The following ERICH3 variants were observed in gnomAD, a reference collection of about 807,000 sequenced individuals.
ERICH3 encodes glutamate rich 3, also known as glutamate-rich protein 3.
A neutral mutation model predicts 131.1 loss-of-function variants in ERICH3; 126 were observed. The ratio of observed to expected loss-of-function variants is 0.96; its 90% CI spans 0.83 to 1.11. The LOEUF (loss-of-function observed/expected upper bound fraction) is 1.11. Ranked by LOEUF, ERICH3 falls within the 50% of genes most tolerant of loss-of-function variation. The pLI, the probability that ERICH3 is intolerant of heterozygous loss-of-function variation, is 0.00. For missense variants in ERICH3, 2,050 were observed against 1,810.7 expected (o/e 1.13, Z -2.40); for synonymous variants, 695 against 644.6 (o/e 1.08, Z -1.18).
At chr1:74,640,377 C>T (rs1646427603) in intron 5 of ERICH3, among the ~76,000 whole-genome samples, 1 of 152,082 alleles carries the variant, frequency 6.6e-6, no homozygotes, top group Non-Finnish European at 1.5e-5. Context: ...TTGAGCTGTT[C>T]ATCAAGAAAT....
chr1:74,672,297 C>T (rs1646749380), intron 1 of ERICH3, among the ~76,000 whole-genome samples: 1 of 152,126 alleles, frequency 6.6e-6, no homozygotes, highest in Non-Finnish European at 1.5e-5. Flanking sequence ...CTAAAAATTG[C>T]ACAGGAGTTC....
intron 2 of ERICH3, among the ~76,000 whole-genome samples, 188 bp from the exon 3 acceptor site, chr1:74,646,980 AAAC>A (rs1356032697): frequency 6.6e-6 from 1 of 151,454 alleles, no homozygotes. Flanking sequence ...AAAAAAAAAA[AAAC>A]GAGAGGGGAG....
intron 4 of ERICH3, 95 bp downstream of exon 4, chr1:74,642,932 A>T: frequency 1.1e-6 from 1 of 910,036 alleles, no homozygotes; most frequent in South Asian, 1.5e-5. Flanking sequence ...AACCAAAAGT[A>T]AAGTGTCCCA....
At chr1:74,601,371 T>A (rs148885351) in intron 10 of ERICH3, among the ~76,000 whole-genome samples, 151 of 151,756 alleles carry the variant, frequency 1.0e-3, no homozygotes, top group African/African-American at 3.4e-3. Context: ...AATAAGACAA[T>A]CCCGGCCATG....
chr1:74,657,514 T>G (rs1646596949), intron 1 of ERICH3, among the ~76,000 whole-genome samples: 1 of 152,206 alleles, frequency 6.6e-6, no homozygotes, highest in South Asian at 2.1e-4. Flanking sequence ...TTCATTCTTT[T>G]TTATTTGCAT....
chr1:74,617,914 G>T (rs1173054021), intron 8 of ERICH3, among the ~76,000 whole-genome samples: 1 of 152,170 alleles, frequency 6.6e-6, no homozygotes, highest in African/African-American at 2.4e-5. Context: ...AAGAAACAGG[G>T]CTGAGTGTGG....
chr1:74,576,223 A>C (rs1306286164), intron 13 of ERICH3, among the ~76,000 whole-genome samples: 3 of 152,252 alleles, frequency 2.0e-5, no homozygotes. Flanking sequence ...CCTGGCATAA[A>C]GAAAGCCCTA....
At chr1:74,645,444 A>G (rs180872649) in intron 3 of ERICH3, among the ~76,000 whole-genome samples, 1 of 151,596 alleles carries the variant, frequency 6.6e-6, no homozygotes, top group African/African-American at 2.4e-5. Flanking sequence ...GTTATTTAAT[A>G]TATTACATAT....
chr1:74,586,828 A>G (rs1352261810), intron 12 of ERICH3, among the ~76,000 whole-genome samples: 1 of 152,218 alleles, frequency 6.6e-6, no homozygotes, highest in African/African-American at 2.4e-5. Flanking sequence ...AAAGCAGCAT[A>G]TATTTTACAA....
At chr1:74,634,725 T>C (rs144215043) in intron 6 of ERICH3, 32 of 705,192 alleles carry the variant, frequency 4.5e-5, no homozygotes, top group Admixed American at 3.4e-4. Context: ...ATCCTACTCA[T>C]TGGACTTTGA....
At position 74,624,810 on chromosome 1, in the gene ERICH3, G is replaced by A. The variant is rs78789349; in HGVS notation, c.820-3896C>T. ...GTCTTGCTGTGTTGCCTAGGCTGGA[G>A]TGCAGTGGTGCAATCATAGTGGTGC... On this transcript the variant is annotated intron_variant, in intron 7 of 14. Coordinates refer to ENST00000326665, the MANE Select transcript of ERICH3 (RefSeq NM_001002912.5). The A allele has an allele frequency of 7.1e-4, 108 of 153,086 alleles. No individual in the cohort carries two copies. In the East Asian group the frequency reaches 0.02, roughly 28 times the overall value. 9.5% of individuals were successfully genotyped at this position (153,086 alleles called of 1,614,324 possible). A position where few individuals can be genotyped will look rare whatever the true frequency, so the allele number is the denominator to read the frequency against.
chr1:74,584,972 G>C (rs1488885880), intron 12 of ERICH3, among the ~76,000 whole-genome samples: 1 of 152,086 alleles, frequency 6.6e-6, no homozygotes, highest in Non-Finnish European at 1.5e-5. Context: ...TTTCATTTTA[G>C]TTATACTATT....
chr1:74,590,265 ATG>A (rs1382675332), intron 11 of ERICH3, among the ~76,000 whole-genome samples, 185 bp from the exon 12 acceptor site: 1 of 152,162 alleles, frequency 6.6e-6, no homozygotes, highest in Admixed American at 6.5e-5. Context: ...GAGTGGTTTC[ATG>A]GAAGACAACT....
At chr1:74,638,467 T>C (rs1017188075) in intron 5 of ERICH3, among the ~76,000 whole-genome samples, 39 of 152,270 alleles carry the variant, frequency 2.6e-4, no homozygotes, top group African/African-American at 9.4e-4. Flanking sequence ...GCAGTTAGAT[T>C]TTATCCCAAT....
chr1:74,635,572 G>GT (rs1317191552), intron 6 of ERICH3, among the ~76,000 whole-genome samples: 1 of 151,986 alleles, frequency 6.6e-6, no homozygotes, highest in Admixed American at 6.6e-5. Flanking sequence ...CATGTCGCAG[G>GT]TTTTTTCTTA....
chr1:74,643,770 C>A (rs1284099265), intron 3 of ERICH3, among the ~76,000 whole-genome samples: 2 of 152,064 alleles, frequency 1.3e-5, no homozygotes, highest in Non-Finnish European at 2.9e-5. Flanking sequence ...AGGTCATATA[C>A]CCAGCCAGGG....
At chr1:74,634,762 A>C (rs944034137) in intron 6 of ERICH3, 2 of 676,346 alleles carry the variant, frequency 3.0e-6, no homozygotes, top group East Asian at 2.8e-5. Flanking sequence ...TGGCAAAGTT[A>C]CTGCTGGAGG....
chr1:74,623,684 C>T (rs569199589), intron 7 of ERICH3: 2 of 152,264 alleles, frequency 1.3e-5, no homozygotes, highest in Admixed American at 1.3e-4. Flanking sequence ...CAAAATCTCC[C>T]TCCTGTTGGA....
At chr1:74,585,325 T>G (rs1306381145) in intron 12 of ERICH3, among the ~76,000 whole-genome samples, 1 of 152,224 alleles carries the variant, frequency 6.6e-6, no homozygotes, top group African/African-American at 2.4e-5. Context: ...AATCTTTTAC[T>G]TTATCTGCTT....
Sources: allele counts gnomAD v4.1 joint callset (sites outside exome capture counted in the v4.1 genomes callset), GRCh38; gene constraint gnomAD v4.1.1; transcripts MANE v1.5; gene names NCBI Gene and HGNC (gene_info 2026-07-23, HGNC 2026-07-21).